MARCHF7: variants seen among roughly 807,000 people sequenced by gnomAD.
MARCHF7 encodes the protein E3 ubiquitin-protein ligase MARCHF7.
MARCHF7 carries 20 observed loss-of-function variants against 76.5 expected under a neutral mutation model. The ratio of observed to expected loss-of-function variants is 0.26; its 90% CI spans 0.18 to 0.38. MARCHF7 has a LOEUF of 0.38. Among genes scored for constraint, MARCHF7 ranks in the 10% least tolerant of loss-of-function variants. The pLI, the probability that MARCHF7 is intolerant of heterozygous loss-of-function variation, is 1.00. For missense variants in MARCHF7, 797 were observed against 812.9 expected (o/e 0.98, Z 0.24); for synonymous variants, 295 against 293.0 (o/e 1.01, Z -0.07).
At position 159,747,941 on chromosome 2, in the gene MARCHF7, C is replaced by T. The variant is rs11555185; in HGVS notation, c.651C>T (p.Asp217=). ...SEHQTILSSR[D]SRNSLRSNFS... is the part of the protein sequence containing the mutation. ...ATCAGACCATACTAAGTTCTAGGGA[C>T]TCCAGAAATTCTTTAAGATCAAATT... The change falls in exon 7 of 12, where the codon GAC becomes GAT. Residue 217 remains aspartate, a synonymous_variant. Coordinates refer to ENST00000409175, the MANE Select transcript of MARCHF7 (RefSeq NM_001282805.2). 0.3 allele frequency: 478,955 copies of T among 1,613,484 alleles called. 76,475 individuals are homozygous for T. Among genetic ancestry groups the T allele is most frequent in the Admixed American group, 0.49 (29,513 of 59,950 alleles).
intron 3 of MARCHF7, among the ~76,000 whole-genome samples, chr2:159,717,841 T>A (rs910041093): frequency 2.0e-5 from 3 of 152,368 alleles, no homozygotes; most frequent in Admixed American, 6.5e-5. Context: ...TGGCTATTTC[T>A]TTCCAGTTGT....
intron 3 of MARCHF7, among the ~76,000 whole-genome samples, chr2:159,726,239 G>A (rs1451328712): frequency 7.9e-6 from 1 of 125,952 alleles, no homozygotes; most frequent in African/African-American, 4.2e-5. Context: ...GTTTTGTTTT[G>A]TTTTGTTTTG....
chr2:159,728,879 C>A, intron 3 of MARCHF7, 130 bp from the exon 4 acceptor site: 1 of 494,530 alleles, frequency 2.0e-6, no homozygotes, highest in Non-Finnish European at 3.4e-6. Context: ...GATCATTTCA[C>A]AATTTACGTT....
At chr2:159,756,277 A>G (rs1018268537) in intron 8 of MARCHF7, among the ~76,000 whole-genome samples, 6 of 152,212 alleles carry the variant, frequency 3.9e-5, no homozygotes, top group Non-Finnish European at 1.5e-5. Context: ...GAAGTTAGAC[A>G]AGCCCAGTTT....
intron 8 of MARCHF7, among the ~76,000 whole-genome samples, chr2:159,755,562 T>C (rs1001686356): frequency 6.6e-6 from 1 of 152,076 alleles, no homozygotes; most frequent in Non-Finnish European, 1.5e-5. Flanking sequence ...AGCATATATA[T>C]AGGTATCGTT....
At chr2:159,757,543 C>G (rs1706482259) in intron 8 of MARCHF7, among the ~76,000 whole-genome samples, 1 of 152,098 alleles carries the variant, frequency 6.6e-6, no homozygotes, top group African/African-American at 2.4e-5. Flanking sequence ...TCCAACAGGA[C>G]AAGGTGAGAG....
chr2:159,713,408 T>G (rs1369503813), intron 1 of MARCHF7, among the ~76,000 whole-genome samples: 2 of 152,222 alleles, frequency 1.3e-5, no homozygotes, highest in East Asian at 3.8e-4. Flanking sequence ...AAAGTCTATC[T>G]GGGTAATAAA....
chr2:159,733,017 C>A, intron 4 of MARCHF7: 1 of 667,570 alleles, frequency 1.5e-6, no homozygotes, highest in Non-Finnish European at 1.9e-6. Context: ...TATAGGGGTT[C>A]AGGTGTTACT....
At chr2:159,723,865 G>A (rs563940899) in intron 3 of MARCHF7, among the ~76,000 whole-genome samples, 2 of 150,866 alleles carry the variant, frequency 1.3e-5, no homozygotes, top group Non-Finnish European at 2.9e-5. Context: ...ATGCCAATGA[G>A]ATGTAGTTTC....
intron 7 of MARCHF7, 61 bp downstream of exon 7, chr2:159,748,964 CTTTTT>C: frequency 2.6e-6 from 2 of 764,462 alleles, no homozygotes; most frequent in East Asian, 3.3e-5. Context: ...CTCTTCATTT[CTTTTT>C]TTTCTTTTCT....
At chr2:159,746,613 C>T (rs995465080) in intron 6 of MARCHF7, among the ~76,000 whole-genome samples, 1 of 152,178 alleles carries the variant, frequency 6.6e-6, no homozygotes, top group South Asian at 2.1e-4. Flanking sequence ...GTTGGCCAGG[C>T]TGGTCTTGAA....
intron 7 of MARCHF7, among the ~76,000 whole-genome samples, chr2:159,749,166 C>T (rs911208252): frequency 6.6e-6 from 1 of 151,438 alleles, no homozygotes; most frequent in Non-Finnish European, 1.5e-5. Context: ...TTAGTAGGGA[C>T]GGGGTTTCAC....
intron 7 of MARCHF7, among the ~76,000 whole-genome samples, chr2:159,750,102 C>T (rs114510891): frequency 1.4e-4 from 21 of 152,316 alleles, no homozygotes; most frequent in East Asian, 3.9e-4. Context: ...GACAGGGTCT[C>T]GCTTTGCTTC....
Position 159,770,911 on chromosome 2 carries a change from T to G in MARCHF7, c.*3569T>G, listed in dbSNP as rs1708126563. 1 of 152,204 alleles carries G rather than the reference T, an allele frequency of 6.6e-6. No homozygotes were observed. The highest frequency in any genetic ancestry group is 1.5e-5 in the Non-Finnish European group (1 of 68,014). The allele number at this position is 152,204 out of a possible 1,614,324, so 9.4% of individuals were successfully genotyped here. A position where few individuals can be genotyped will look rare whatever the true frequency, so the allele number is the denominator to read the frequency against. On this transcript the variant is annotated 3_prime_UTR_variant, in exon 12 of 12. Coordinates refer to ENST00000409175, the MANE Select transcript of MARCHF7 (RefSeq NM_001282805.2). ...ATTCTTTATCTTTCCTGTTTTTGGT[T>G]TATTGATGGTGAGGAAAATTACTCG...
At chr2:159,765,369 A>ACC (rs1291392478) in intron 11 of MARCHF7, among the ~76,000 whole-genome samples, 2 of 152,048 alleles carry the variant, frequency 1.3e-5, no homozygotes, top group African/African-American at 4.8e-5. Context: ...TATACAGCCT[A>ACC]CCCTCTTCTT....
chr2:159,764,911 T>C (rs13409773), intron 11 of MARCHF7, among the ~76,000 whole-genome samples: 5,644 of 151,864 alleles, frequency 0.037, 337 homozygotes, highest in African/African-American at 0.12. Flanking sequence ...CTTTTTTTTT[T>C]CAAAGAGAAA....
intron 1 of MARCHF7, among the ~76,000 whole-genome samples, chr2:159,713,269 T>C (rs907890610): frequency 6.6e-6 from 1 of 152,198 alleles, no homozygotes; most frequent in Non-Finnish European, 1.5e-5. Flanking sequence ...AGTAAAAATA[T>C]AGAAGGCGCC....
Position 159,767,345 on chromosome 2 carries a change from T to G in MARCHF7, c.*3T>G. ...ACAGGACATTTGATATTGCCTAACT[T>G]CATATAAGACAGATGGATGATCTGT... On this transcript the variant is annotated 3_prime_UTR_variant, in exon 12 of 12. Coordinates refer to ENST00000409175, the MANE Select transcript of MARCHF7 (RefSeq NM_001282805.2). 6.2e-7 allele frequency: 1 copy of G among 1,603,270 alleles called. No individual in the cohort carries two copies. The highest frequency in any genetic ancestry group is 8.5e-7 in the Non-Finnish European group (1 of 1,170,442).
Position 159,768,666 on chromosome 2 carries a change from T to C in MARCHF7, c.*1324T>C, listed in dbSNP as rs1177364295. The C allele has an allele frequency of 6.6e-6, 1 of 152,628 alleles. No homozygotes were observed. The highest frequency in any genetic ancestry group is 2.4e-5 in the African/African-American group (1 of 41,466). 9.5% of individuals were successfully genotyped at this position (152,628 alleles called of 1,614,324 possible). A position where few individuals can be genotyped will look rare whatever the true frequency, so the allele number is the denominator to read the frequency against. On this transcript the variant is annotated 3_prime_UTR_variant, in exon 12 of 12. Transcript: ENST00000409175. Reference sequence around the variant, plus strand: ...ATTTTATTACAATTTCAAATCTCATTTTAAGCAATAATATAAATGTTCTAA... The same window carrying C: ...ATTTTATTACAATTTCAAATCTCATCTTAAGCAATAATATAAATGTTCTAA...
Sources: gnomAD v4.1 joint callset for allele counts (sites outside exome capture counted in the v4.1 genomes callset) on GRCh38, gnomAD v4.1.1 for gene constraint, MANE v1.5 for transcripts, NCBI Gene and HGNC (gene_info 2026-07-23, HGNC 2026-07-21) for gene names.